Variants in CCDC169 observed in about 807,000 individuals in gnomAD.
The protein encoded by CCDC169 is coiled-coil domain-containing protein 169.
CCDC169 carries 30 observed loss-of-function variants against 36.0 expected under a neutral mutation model. That is an observed-to-expected ratio of 0.83 (90% CI 0.62 to 1.13). The LOEUF (loss-of-function observed/expected upper bound fraction) is 1.13. Ranked by LOEUF, CCDC169 falls within the 50% of genes most tolerant of loss-of-function variation. The pLI, the probability that CCDC169 is intolerant of heterozygous loss-of-function variation, is 0.00. For missense variants in CCDC169, 245 were observed against 245.9 expected, an observed-to-expected ratio of 1.00 and a Z score of 0.03; for synonymous variants, 85 against 81.5, an observed-to-expected ratio of 1.04 and a Z score of -0.23.
At chr13:36,257,045 A>G (rs1873973939) in intron 4 of CCDC169, among the ~76,000 whole-genome samples, 1 of 152,030 alleles carries the variant, frequency 6.6e-6, no homozygotes, top group Non-Finnish European at 1.5e-5. Context: ...ACAGCTGACC[A>G]CTAGTGTTCT....
intron 4 of CCDC169, chr13:36,281,378 A>C: frequency 2.7e-6 from 1 of 377,184 alleles, no homozygotes; most frequent in Non-Finnish European, 5.1e-6. Context: ...AATTTTAATA[A>C]ATTACCCCAC....
chr13:36,246,300 C>T lies in CCDC169; in HGVS notation c.545+2306G>A, dbSNP rs954605295. The stretch of plus-strand genomic sequence containing the variant: ...CTTGTGCCAAACAGTTAAGCCAAGG[C>T]ATAAATGCAAAGGGAAGATTCTTAA... On this transcript the variant is annotated intron_variant, in intron 7 of 7. Transcript: ENST00000239859. Among the ~76,000 whole-genome samples, 9 of 152,266 alleles carry T rather than the reference C, an allele frequency of 5.9e-5. No individual in the cohort carries two copies. The East Asian group carries it at 9.6e-4, about 16-fold the overall frequency.
chr13:36,285,015 A>G (rs1222991692), intron 2 of CCDC169, among the ~76,000 whole-genome samples: 1 of 152,234 alleles, frequency 6.6e-6, no homozygotes, highest in African/African-American at 2.4e-5. Flanking sequence ...CCCAAAAGAT[A>G]CAGTAGAGCT....
At chr13:36,286,677 C>G (rs1878295296) in intron 2 of CCDC169, among the ~76,000 whole-genome samples, 1 of 152,160 alleles carries the variant, frequency 6.6e-6, no homozygotes, top group Non-Finnish European at 1.5e-5. Flanking sequence ...AAGCCATCTA[C>G]AGCCCTACTC....
At chr13:36,231,365 G>A in intron 7 of CCDC169, 73 bp from the exon 8 acceptor site, 3 of 1,406,504 alleles carry the variant, frequency 2.1e-6, no homozygotes, top group South Asian at 1.3e-5. Flanking sequence ...AGGCCACACA[G>A]GAAGAAATGT....
At chr13:36,229,200 A>G (rs912348482), downstream of CCDC169, among the ~76,000 whole-genome samples, 1 of 152,178 alleles carries the variant, frequency 6.6e-6, no homozygotes, top group African/African-American at 2.4e-5. Context: ...AAAACTGAGG[A>G]TATGAGAAGT....
chr13:36,260,130 T>C (rs972932824), intron 4 of CCDC169, among the ~76,000 whole-genome samples: 4 of 152,246 alleles, frequency 2.6e-5, no homozygotes, highest in Non-Finnish European at 4.4e-5. Flanking sequence ...GTTGAGAAGA[T>C]TGCAGCTTAT....
At chr13:36,297,539 G>A in intron 1 of CCDC169, 98 bp downstream of exon 1, 1 of 1,206,992 alleles carries the variant, frequency 8.3e-7, no homozygotes, top group Non-Finnish European at 1.2e-6. Flanking sequence ...CACGGCGCCG[G>A]TCTTACAGCA....
At chr13:36,264,159 T>C (rs935158365) in intron 4 of CCDC169, among the ~76,000 whole-genome samples, 1 of 152,130 alleles carries the variant, frequency 6.6e-6, no homozygotes, top group African/African-American at 2.4e-5. Flanking sequence ...TTCAAAACTT[T>C]AGAAATTCAT....
At chr13:36,244,644 A>G (rs536474931) in intron 7 of CCDC169, 1 of 149,256 alleles carries the variant, frequency 6.7e-6, no homozygotes, top group East Asian at 2.0e-4. Context: ...AGAAAGAAAG[A>G]AAAAAAGAAA....
intron 7 of CCDC169, among the ~76,000 whole-genome samples, chr13:36,239,455 C>A (rs1011470211): frequency 6.6e-6 from 1 of 152,068 alleles, no homozygotes. Context: ...AAGCCTCCAG[C>A]AAGTTTATGT....
chr13:36,277,937 TC>T (rs1370879056), intron 4 of CCDC169, among the ~76,000 whole-genome samples: 1 of 134,192 alleles, frequency 7.5e-6, no homozygotes, highest in African/African-American at 2.8e-5. Flanking sequence ...AGAGCAAGAC[TC>T]CGTCTCAAAA....
At chr13:36,247,166 G>A (rs1246638900) in intron 7 of CCDC169, among the ~76,000 whole-genome samples, 1 of 152,148 alleles carries the variant, frequency 6.6e-6, no homozygotes, top group Non-Finnish European at 1.5e-5. Flanking sequence ...TTTAAGCCCA[G>A]TGTTGAGACC....
At chr13:36,232,066 A>G (rs1870494681) in intron 7 of CCDC169, among the ~76,000 whole-genome samples, 1 of 152,194 alleles carries the variant, frequency 6.6e-6, no homozygotes, top group Non-Finnish European at 1.5e-5. Context: ...TTATAAAATA[A>G]CAACAACAGC....
chr13:36,283,753 T>C lies in CCDC169; in HGVS notation c.164-51A>G, dbSNP rs563174047. On this transcript the variant is annotated intron_variant, in intron 2 of 7. Coordinates refer to ENST00000239859, the MANE Select transcript of CCDC169 (RefSeq NM_001144981.3). ...CAAGATCACCCCACCACCTCTCATT[T>C]ATTCATTAAAATAACATTATGAGCT... 1.6e-4 allele frequency: 215 copies of C among 1,323,652 alleles called. 1 individual carries two copies. The African/African-American group carries it at 2.3e-3, about 14-fold the overall frequency. 82.0% of individuals were successfully genotyped at this position (1,323,652 alleles called of 1,614,324 possible).
chr13:36,281,291 A>AG, intron 4 of CCDC169: 1 of 450,150 alleles, frequency 2.2e-6, no homozygotes, highest in Non-Finnish European at 4.4e-6. Flanking sequence ...AGAAAAGAGA[A>AG]AAAAAAAACT....
At chr13:36,229,853 A>G (rs1870230184), downstream of CCDC169, among the ~76,000 whole-genome samples, 1 of 152,060 alleles carries the variant, frequency 6.6e-6, no homozygotes, top group South Asian at 2.1e-4. Context: ...TATAATTATT[A>G]TTTAAATTAT....
At chr13:36,238,039 G>A (rs534193792) in intron 7 of CCDC169, among the ~76,000 whole-genome samples, 48 of 152,192 alleles carry the variant, frequency 3.2e-4, no homozygotes, top group African/African-American at 1.1e-3. Context: ...ATCATTAAGG[G>A]ACACATGACT....
intron 4 of CCDC169, among the ~76,000 whole-genome samples, chr13:36,266,646 G>T (rs944180930): frequency 6.6e-6 from 1 of 152,144 alleles, no homozygotes; most frequent in Non-Finnish European, 1.5e-5. Flanking sequence ...AGGCTTTCTC[G>T]TTTCACATAC....
Sources: gnomAD v4.1 joint callset for allele counts (sites outside exome capture counted in the v4.1 genomes callset) on GRCh38, gnomAD v4.1.1 for gene constraint, MANE v1.5 for transcripts, NCBI Gene and HGNC (gene_info 2026-07-23, HGNC 2026-07-21) for gene names.